Variants in PROS1 observed in about 807,000 individuals in gnomAD.
The protein encoded by PROS1 is vitamin K-dependent protein S.
A neutral mutation model predicts 75.9 loss-of-function variants in PROS1; 29 were observed. That is an observed-to-expected ratio of 0.38 (90% CI 0.28 to 0.52). PROS1 has a LOEUF of 0.52. Ranked by LOEUF, PROS1 falls within the 20% of genes least tolerant of loss-of-function variation. The pLI is 0.83. For synonymous variants in PROS1, 245 were observed against 280.6 expected, an observed-to-expected ratio of 0.87 and a Z score of 1.27; for missense variants, 680 against 810.3, an observed-to-expected ratio of 0.84 and a Z score of 1.95.
At chr3:93,928,706 T>C in intron 1 of PROS1, 3 of 1,250,684 alleles carry the variant, frequency 2.4e-6, no homozygotes, top group Non-Finnish European at 3.2e-6. Flanking sequence ...ACTTACAGCA[T>C]ATAGAATAGA....
intron 1 of PROS1, among the ~76,000 whole-genome samples, chr3:93,959,246 C>G (rs1208336873): frequency 2.0e-5 from 3 of 151,860 alleles, no homozygotes; most frequent in Admixed American, 2.0e-4. Context: ...CCCAGAAGGT[C>G]GAGGCTGCGA....
In PROS1 at chr3:93,879,226, A is replaced by G. The variant is rs1345141025; in HGVS notation, c.1581T>C (p.Val527=). Reference sequence around the variant, plus strand: ...CAAAGGGCACTGTGTTGTTACCAGAAACCAAGGCAAGCATAACACCAGTGC... The same window carrying G: ...CAAAGGGCACTGTGTTGTTACCAGAGACCAAGGCAAGCATAACACCAGTGC... ...STGTGVMLAL[V]SGNNTVPFAV... The change falls in exon 13 of 15, where the codon GTT becomes GTC. Residue 527 remains valine (V), a synonymous_variant. Transcript: ENST00000394236. 1 of 1,614,178 alleles carries G rather than the reference A, an allele frequency of 6.2e-7. No homozygotes were observed. Among genetic ancestry groups the G allele is most frequent in the Non-Finnish European group, 8.5e-7 (1 of 1,180,022 alleles).
At chr3:93,971,728 C>T (rs923224458) in intron 1 of PROS1, among the ~76,000 whole-genome samples, 6 of 151,174 alleles carry the variant, frequency 4.0e-5, no homozygotes, top group Non-Finnish European at 7.4e-5. Context: ...CCCATGAGCT[C>T]GGGAGGGGGA....
intron 1 of PROS1, among the ~76,000 whole-genome samples, chr3:93,944,193 T>A (rs1576208069): frequency 6.7e-6 from 1 of 150,276 alleles, no homozygotes; most frequent in Non-Finnish European, 1.5e-5. Flanking sequence ...CGAAACCAGA[T>A]AAATACATAA....
chr3:93,943,275 A>C (rs1423051112), intron 1 of PROS1, among the ~76,000 whole-genome samples: 6 of 152,144 alleles, frequency 3.9e-5, no homozygotes, highest in East Asian at 1.9e-4. Flanking sequence ...GATAGAGCCC[A>C]AAAACTCACC....
chr3:93,918,306 C>G (rs1708890787), intron 3 of PROS1, among the ~76,000 whole-genome samples: 1 of 152,088 alleles, frequency 6.6e-6, no homozygotes, highest in Non-Finnish European at 1.5e-5. Context: ...CTCTATCAAT[C>G]AGCAGGATGT....
chr3:93,970,673 C>T (rs1191360105), intron 1 of PROS1, among the ~76,000 whole-genome samples: 1 of 150,328 alleles, frequency 6.7e-6, no homozygotes, highest in Admixed American at 6.6e-5. Flanking sequence ...TAGAGATTCT[C>T]ATCTCTCTCT....
intron 8 of PROS1, among the ~76,000 whole-genome samples, chr3:93,897,739 T>C (rs764852116): frequency 2.4e-4 from 36 of 152,038 alleles, no homozygotes; most frequent in Non-Finnish European, 3.5e-4. Flanking sequence ...CATAATAATA[T>C]ATAATTTTAC....
chr3:93,935,400 C>A (rs527577389), intron 1 of PROS1, among the ~76,000 whole-genome samples: 1 of 152,126 alleles, frequency 6.6e-6, no homozygotes, highest in South Asian at 2.1e-4. Flanking sequence ...AGTTACTGCA[C>A]AGAAAATGTT....
At chr3:93,881,269 C>T (rs1181315118) in intron 12 of PROS1, among the ~76,000 whole-genome samples, 1 of 152,090 alleles carries the variant, frequency 6.6e-6, no homozygotes, top group Non-Finnish European at 1.5e-5. Context: ...TTACAGTGAG[C>T]CATGATTGCA....
chr3:93,967,496 C>A (rs1709809469), intron 1 of PROS1, among the ~76,000 whole-genome samples: 1 of 152,138 alleles, frequency 6.6e-6, no homozygotes, highest in Non-Finnish European at 1.5e-5. Flanking sequence ...GATGAACTCA[C>A]CAATTATAGA....
At chr3:93,943,430 C>G (rs1709323278) in intron 1 of PROS1, among the ~76,000 whole-genome samples, 1 of 152,152 alleles carries the variant, frequency 6.6e-6, no homozygotes, top group African/African-American at 2.4e-5. Context: ...AAAACTGTAT[C>G]CAGGCCATCA....
chr3:93,963,392 A>T (rs1410268397), intron 1 of PROS1, among the ~76,000 whole-genome samples: 1 of 152,180 alleles, frequency 6.6e-6, no homozygotes, highest in Non-Finnish European at 1.5e-5. Context: ...TTAGTTGCCA[A>T]CACAGGTTGG....
intron 1 of PROS1, chr3:93,928,726 A>G: frequency 7.7e-7 from 1 of 1,292,626 alleles, no homozygotes; most frequent in Non-Finnish European, 1.0e-6. Context: ...AAAAAATTGC[A>G]TCCAGATAAG....
chr3:93,938,951 C>T (rs187734770), intron 1 of PROS1, among the ~76,000 whole-genome samples: 2 of 152,058 alleles, frequency 1.3e-5, no homozygotes, highest in South Asian at 2.1e-4. Flanking sequence ...CTGCTCACCA[C>T]CCCCCTTCTC....
In PROS1 at chr3:93,896,690, A is replaced by C. The variant is rs751683365; in HGVS notation, c.851T>G (p.Val284Gly). The change falls in exon 9 of 15, where the codon GTT becomes GGT. Residue 284 changes from valine to glycine, a missense_variant and splice_region_variant. By Grantham distance (109) the Val-to-Gly change is moderately radical. Coordinates refer to ENST00000394236, the MANE Select transcript of PROS1 (RefSeq NM_000313.4). ...GTTCAAGGGAAGGCACACTGAAACA[A>C]CCTGGAATAAAAGAAACCAAATAAA... ...KLAQDQKSCEVVSVCLPLNLD... is the reference protein window; with the variant it reads ...KLAQDQKSCEGVSVCLPLNLD... The C allele has an allele frequency of 1.1e-5, 17 of 1,603,420 alleles. No homozygotes were observed. The highest frequency in any genetic ancestry group is 1.5e-5 in the Non-Finnish European group (17 of 1,170,416).
chr3:93,972,993 G>A (rs925447666), intron 1 of PROS1, among the ~76,000 whole-genome samples: 1 of 151,942 alleles, frequency 6.6e-6, no homozygotes, highest in African/African-American at 2.4e-5. Context: ...TCTTGAATCC[G>A]GGCATAAGGA....
chr3:93,938,647 G>A (rs886716569), intron 1 of PROS1, among the ~76,000 whole-genome samples: 9 of 152,010 alleles, frequency 5.9e-5, no homozygotes, highest in South Asian at 2.1e-4. Flanking sequence ...TCCCTCTCTC[G>A]CTATCCTTCA....
chr3:93,934,008 CAAAA>C (rs60441503), intron 1 of PROS1, among the ~76,000 whole-genome samples: 3 of 88,560 alleles, frequency 3.4e-5, no homozygotes, highest in Admixed American at 1.3e-4. Flanking sequence ...GACTCTGTCT[CAAAA>C]AAAAAAAAAA....
Sources: gnomAD v4.1 joint callset for allele counts (sites outside exome capture counted in the v4.1 genomes callset) on GRCh38, gnomAD v4.1.1 for gene constraint, MANE v1.5 for transcripts, NCBI Gene and HGNC (gene_info 2026-07-23, HGNC 2026-07-21) for gene names.